DEFB116: variants seen among roughly 807,000 people sequenced by gnomAD.
DEFB116 encodes the protein defensin beta 116, also known as beta-defensin 116.
A neutral mutation model predicts 2.8 loss-of-function variants in DEFB116; 5 were observed. The observed-to-expected ratio is 1.80, with a 90% CI of 0.94 to 3.79. The LOEUF (loss-of-function observed/expected upper bound fraction) is 3.79, where lower values mean the gene tolerates loss of function less well. Ranked by LOEUF, DEFB116 falls within the 30% of genes most tolerant of loss-of-function variation. The pLI is 0.00. For synonymous variants in DEFB116, 56 were observed against 40.8 expected (o/e 1.37, Z -1.42); for missense variants, 170 against 118.0 (o/e 1.44, Z -2.04).
intron 1 of DEFB116, among the ~76,000 whole-genome samples, chr20:31,305,183 A>G (rs1984966962): frequency 6.6e-6 from 1 of 152,028 alleles, no homozygotes; most frequent in Non-Finnish European, 1.5e-5. Flanking sequence ...CTTCACCCTT[A>G]TCATGGGACC....
chr20:31,308,130 T>C (rs551792450), intron 1 of DEFB116, among the ~76,000 whole-genome samples: 3 of 152,076 alleles, frequency 2.0e-5, no homozygotes, highest in Admixed American at 6.6e-5. Context: ...TATTACCCTA[T>C]CTCTAAGGTC....
intron 1 of DEFB116, among the ~76,000 whole-genome samples, chr20:31,304,192 T>A (rs1285272382): frequency 1.3e-5 from 2 of 152,138 alleles, no homozygotes; most frequent in East Asian, 3.8e-4. Flanking sequence ...GATAGCTATG[T>A]ATAAGTCATC....
At chr20:31,307,153 A>G (rs1985008775) in intron 1 of DEFB116, among the ~76,000 whole-genome samples, 1 of 152,098 alleles carries the variant, frequency 6.6e-6, no homozygotes, top group South Asian at 2.1e-4. Context: ...TCCACGCCTA[A>G]AAGTTTTCTC....
intron 1 of DEFB116, among the ~76,000 whole-genome samples, chr20:31,304,247 C>T (rs560887679): frequency 6.6e-6 from 1 of 152,098 alleles, no homozygotes; most frequent in African/African-American, 2.4e-5. Flanking sequence ...CTGAAAATAC[C>T]CCAGTGACAA....
At chr20:31,306,471 T>G (rs1984992319) in intron 1 of DEFB116, among the ~76,000 whole-genome samples, 2 of 152,188 alleles carry the variant, frequency 1.3e-5, no homozygotes, top group Admixed American at 1.3e-4. Context: ...CTACACTATG[T>G]ACAACTCTTG....
At chr20:31,304,323 T>C (rs942928243) in intron 1 of DEFB116, among the ~76,000 whole-genome samples, 6 of 152,136 alleles carry the variant, frequency 3.9e-5, no homozygotes, top group Non-Finnish European at 7.4e-5. Flanking sequence ...ACCTATTTGA[T>C]GTTCTACAGA....
rs376747448 is a variant in DEFB116 at position 31,308,550 on chromosome 20, G to A, written c.36C>T (p.Ala12=). 111 of 1,613,462 alleles carry A rather than the reference G, an allele frequency of 6.9e-5. No individual in the cohort carries two copies. The African/African-American group carries it at 1.4e-3, about 20-fold the overall frequency. The part of the protein sequence containing the change: ...SVMKPCLMTI[A]ILMILAQKTP... ...TCTTTTGAGCCAGGATCATAAGGAT[G>A]GCAATGGTCATTAAACAGGGCTTCA... The change falls in exon 1 of 2, where the codon GCC becomes GCT. Residue 12 remains alanine, a synonymous_variant. Coordinates refer to ENST00000400549, the MANE Select transcript of DEFB116 (RefSeq NM_001037731.1).
rs748900574 is a variant in DEFB116, at chr20:31,303,332, A to G, written c.189T>C (p.Asn63=). Residue 63 remains asparagine (N), a synonymous_variant, in exon 2 of 2, where the codon AAT becomes AAC. Transcript: ENST00000400549. ...EYEIQYLTCP[N]DQKCCLKLSV... is the part of the protein sequence containing the mutation. ...AAAGTTTCAGGCAGCACTTTTGATC[A>G]TTTGGGCAGGTTAAGTATTGGATTT... 2.5e-6 allele frequency: 4 copies of G among 1,613,444 alleles called. No homozygotes were observed. In the African/African-American group the frequency reaches 4.0e-5, roughly 16 times the overall value.
intron 1 of DEFB116, among the ~76,000 whole-genome samples, 169 bp from the exon 2 acceptor site, chr20:31,303,622 A>G (rs998166242): frequency 6.6e-6 from 1 of 152,162 alleles, no homozygotes; most frequent in Non-Finnish European, 1.5e-5. Flanking sequence ...CTCCTCAAGC[A>G]AGTTACTTCA....
chr20:31,303,802 T>A (rs1712470682), intron 1 of DEFB116, among the ~76,000 whole-genome samples: 1 of 152,140 alleles, frequency 6.6e-6, no homozygotes, highest in South Asian at 2.1e-4. Flanking sequence ...AGTCTTCTCC[T>A]GAGAGTATGA....
At position 31,308,531 on chromosome 20, in the gene DEFB116, G is replaced by A. The variant is rs756559816; in HGVS notation, c.55C>T (p.Gln19Ter). 2 of 1,613,554 alleles carry A rather than the reference G, an allele frequency of 1.2e-6. No individual in the cohort carries two copies. The highest frequency in any genetic ancestry group is 8.5e-7 in the Non-Finnish European group (1 of 1,179,548). ...AGGCCTGAGTTACCTGGAGTCTTTT[G>A]AGCCAGGATCATAAGGATGGCAATG... ...MTIAILMILA[Q>*]KTPGGLFRSH... The change falls in exon 1 of 2, where the codon CAA (glutamine) becomes TAA (stop). Residue 19 changes from glutamine to a stop codon, truncating the protein, a stop_gained. Transcript: ENST00000400549. LOFTEE classifies it low-confidence loss of function (END_TRUNC).
chr20:31,303,874 C>G (rs538328147), intron 1 of DEFB116, among the ~76,000 whole-genome samples: 1 of 152,214 alleles, frequency 6.6e-6, no homozygotes, highest in East Asian at 1.9e-4. Context: ...ATCTGTGACC[C>G]TCACACACAG....
chr20:31,303,891 A>G (rs1984937901), intron 1 of DEFB116, among the ~76,000 whole-genome samples: 2 of 152,132 alleles, frequency 1.3e-5, no homozygotes, highest in South Asian at 4.1e-4. Context: ...ACAGCTAATC[A>G]GAGGCAGCCA....
intron 1 of DEFB116, among the ~76,000 whole-genome samples, chr20:31,307,092 A>C (rs1218374493): frequency 3.3e-5 from 5 of 152,142 alleles, no homozygotes; most frequent in African/African-American, 1.2e-4. Flanking sequence ...TTTGGAGATA[A>C]GCATACATTA....
chr20:31,303,593 T>C (rs1984932150), intron 1 of DEFB116, 140 bp from the exon 2 acceptor site: 3 of 1,244,954 alleles, frequency 2.4e-6, no homozygotes, highest in African/African-American at 1.5e-5. Context: ...ATCTGGGCTC[T>C]GCCATTTACC....
chr20:31,308,398 C>G, intron 1 of DEFB116, 121 bp downstream of exon 1: 1 of 917,664 alleles, frequency 1.1e-6, no homozygotes, highest in Admixed American at 1.9e-5. Context: ...TGTGACCCAC[C>G]TGAGACCAGA....
At chr20:31,306,290 G>A (rs1014610881) in intron 1 of DEFB116, among the ~76,000 whole-genome samples, 6 of 152,128 alleles carry the variant, frequency 3.9e-5, no homozygotes, top group Non-Finnish European at 8.8e-5. Context: ...TCAGAAATGT[G>A]TAGATTTAAA....
chr20:31,305,199 A>ACTCT lies in DEFB116; in HGVS notation c.68-1750_68-1747dup, dbSNP rs148290557. Among the ~76,000 whole-genome samples the ACTCT allele has an allele frequency of 3.2e-4, 48 of 151,078 alleles. 2 individuals carry two copies. The South Asian group carries it at 9.4e-3, about 30-fold the overall frequency. Reference sequence around the variant, plus strand: ...TTCACCCTTATCATGGGACCTGCACACTCTCTCTCTCTCTCAGCACCATTA... The same window carrying ACTCT: ...TTCACCCTTATCATGGGACCTGCACACTCTCTCTCTCTCTCTCTCAGCACCATTA... On this transcript the variant is annotated intron_variant, in intron 1 of 1. Coordinates refer to ENST00000400549, the MANE Select transcript of DEFB116 (RefSeq NM_001037731.1).
chr20:31,305,850 C>G (rs1343783253), intron 1 of DEFB116, among the ~76,000 whole-genome samples: 1 of 152,014 alleles, frequency 6.6e-6, no homozygotes, highest in African/African-American at 2.4e-5. Context: ...CATACTAAGT[C>G]TCTAGAATTT....
Sources: allele counts gnomAD v4.1 joint callset (sites outside exome capture counted in the v4.1 genomes callset), GRCh38; gene constraint gnomAD v4.1.1; transcripts MANE v1.5; gene names NCBI Gene and HGNC (gene_info 2026-07-23, HGNC 2026-07-21).